CCR1: variants seen among roughly 807,000 people sequenced by gnomAD.
CCR1 encodes the protein C-C motif chemokine receptor 1.
In CCR1, 1 loss-of-function variant was observed where a neutral mutation model predicts 0.3. The ratio of observed to expected loss-of-function variants is 3.70; its 90% confidence interval spans 1.31 to 17.54. The LOEUF (loss-of-function observed/expected upper bound fraction) is 17.54, where lower values mean the gene tolerates loss of function less well. Among genes scored for constraint, CCR1 ranks in the 30% most tolerant of loss-of-function variants. CCR1 has a pLI of 0.11. For missense variants in CCR1, 349 were observed against 435.4 expected (o/e 0.80, Z 1.77); for synonymous variants, 207 against 182.5 (o/e 1.13, Z -1.08).
intron 1 of CCR1, among the ~76,000 whole-genome samples, chr3:46,205,863 A>C (rs1699643530): frequency 6.6e-6 from 1 of 152,132 alleles, no homozygotes; most frequent in African/African-American, 2.4e-5. Flanking sequence ...CCTTCACTGC[A>C]GGAGCCCTTC....
rs1430597048 is a variant in CCR1, at chr3:46,207,763, G to A, written c.-12+519C>T. On this transcript the variant is annotated intron_variant, in intron 1 of 1. Coordinates refer to ENST00000296140, the MANE Select transcript of CCR1 (RefSeq NM_001295.3). ...GGATTCGAGTGATTCTCCTGCCTCA[G>A]CCTCTTGAGTAGCTGGGACTACAGG... 2.6e-5 allele frequency among the ~76,000 whole-genome samples: 4 copies of A among 151,444 alleles called. No individual in the cohort carries two copies. In the East Asian group the frequency reaches 5.9e-4, roughly 22 times the overall value.
rs1699599597 is a variant in CCR1, at chr3:46,201,993, A to C, written c.*1253T>G. On this transcript the variant is annotated 3_prime_UTR_variant, in exon 2 of 2. Transcript: ENST00000296140. ...TTATTAGGAAAATTATTTTTAAAGAAATATACATCTGAGGGAAAAGAGAAC... is the reference window on the plus strand; with the variant it reads ...TTATTAGGAAAATTATTTTTAAAGACATATACATCTGAGGGAAAAGAGAAC... 2 of 152,206 alleles carry C rather than the reference A, an allele frequency of 1.3e-5. No individual in the cohort carries two copies. The highest frequency in any genetic ancestry group is 1.3e-4 in the Admixed American group (2 of 15,276). The allele number at this position is 152,206 out of a possible 1,614,324, so 9.4% of individuals were successfully genotyped here. A position where few individuals can be genotyped will look rare whatever the true frequency, so the allele number is the denominator to read the frequency against.
intron 1 of CCR1, among the ~76,000 whole-genome samples, chr3:46,207,959 A>G (rs1037527608): frequency 1.3e-5 from 2 of 152,162 alleles, no homozygotes; most frequent in African/African-American, 4.8e-5. Flanking sequence ...CTTATTGAAT[A>G]GGTTTCCACA....
In CCR1 at chr3:46,203,598, C is replaced by T. The variant is rs775254814; in HGVS notation, c.716G>A (p.Arg239His). Reference protein sequence around the residue: ...RPNEKKSKAVRLIFVIMIIFF... With the variant: ...RPNEKKSKAVHLIFVIMIIFF... ...GATGATCATGATGACAAAAATCAAACGGACAGCTTTGGATTTCTTCTCATT... is the reference window on the plus strand; with the variant it reads ...GATGATCATGATGACAAAAATCAAATGGACAGCTTTGGATTTCTTCTCATT... The change falls in exon 2 of 2, where the codon CGT becomes CAT. Residue 239 changes from arginine (R) to histidine (H), a missense_variant. Physicochemically the swap from Arg to His is conservative, Grantham distance 29 (BLOSUM62 0). Coordinates refer to ENST00000296140, the MANE Select transcript of CCR1 (RefSeq NM_001295.3). The surrounding 1 kb of genome is among the most constrained non-coding windows in gnomAD (Gnocchi z 4.5). 3.9e-5 allele frequency: 63 copies of T among 1,613,846 alleles called. No homozygotes were observed. The highest frequency in any genetic ancestry group is 4.7e-5 in the Non-Finnish European group (56 of 1,179,884).
rs1699625619 is a variant in CCR1, at chr3:46,204,154, G to T, written c.160C>A (p.Leu54Met). ...TATTGCACAAGGACCAGGACCACCA[G>T]GATGTTTCCAACCAGGCCAATGACA... ...VFVIGLVGNI[L>M]VVLVLVQYKR... Residue 54 changes from leucine to methionine, a missense_variant, in exon 2 of 2, where the codon CTG becomes ATG. Physicochemically the swap from Leu to Met is conservative, Grantham distance 15 (BLOSUM62 2). Transcript: ENST00000296140. The T allele has an allele frequency of 6.2e-7, 1 of 1,614,140 alleles. No homozygotes were observed. Among genetic ancestry groups the T allele is most frequent in the African/African-American group, 1.3e-5 (1 of 75,028 alleles).
At position 46,201,772 on chromosome 3, in the gene CCR1, C is replaced by T. The variant is rs1052408425; in HGVS notation, c.*1474G>A. 1 of 152,162 alleles carries T rather than the reference C, an allele frequency of 6.6e-6. No individual in the cohort carries two copies. Among genetic ancestry groups the T allele is most frequent in the Non-Finnish European group, 1.5e-5 (1 of 68,016 alleles). 9.4% of individuals were successfully genotyped at this position (152,162 alleles called of 1,614,324 possible). On this transcript the variant is annotated 3_prime_UTR_variant, in exon 2 of 2. Transcript: ENST00000296140. ...ACAACTTGCTGCTAATTAAAACCAA[C>T]AATAGAACAGTGAGTACAATTGAAG...
intron 1 of CCR1, among the ~76,000 whole-genome samples, chr3:46,205,939 A>G (rs1699644052): frequency 6.6e-6 from 1 of 152,100 alleles, no homozygotes; most frequent in Non-Finnish European, 1.5e-5. Context: ...GCTGGCTGGT[A>G]TACCCTGTCT....
At chr3:46,208,171 C>G (rs977844464) in intron 1 of CCR1, 111 bp downstream of exon 1, 3 of 152,230 alleles carry the variant, frequency 2.0e-5, no homozygotes, top group Non-Finnish European at 2.9e-5. Context: ...TTTGCCCAGC[C>G]TACTCAAAGA....
chr3:46,204,928 C>T (rs1468350200), intron 1 of CCR1, among the ~76,000 whole-genome samples: 1 of 152,192 alleles, frequency 6.6e-6, no homozygotes, highest in African/African-American at 2.4e-5. Context: ...CAGGAGGACT[C>T]TGAGAAGGAA....
In CCR1 at chr3:46,204,209, T is replaced by G; in HGVS notation, c.105A>C (p.Gln35His). 1.2e-6 allele frequency: 2 copies of G among 1,614,062 alleles called. No individual in the cohort carries two copies. The highest frequency in any genetic ancestry group is 1.7e-6 in the Non-Finnish European group (2 of 1,179,956). The change falls in exon 2 of 2, where the codon CAA becomes CAC. Residue 35 changes from glutamine (Q) to histidine (H), a missense_variant. By Grantham distance (24) the Gln-to-His change is conservative. Coordinates refer to ENST00000296140, the MANE Select transcript of CCR1 (RefSeq NM_001295.3). The part of the protein sequence containing the change: ...QKVNERAFGA[Q>H]LLPPLYSLVF... ...CCAAGGAGTACAGAGGGGGCAGCAG[T>G]TGGGCCCCAAAGGCCCTCTCGTTCA... is the stretch of plus-strand genomic sequence containing the variant.
chr3:46,206,303 G>A (rs769524599), intron 1 of CCR1, among the ~76,000 whole-genome samples: 13 of 152,112 alleles, frequency 8.5e-5, no homozygotes, highest in Non-Finnish European at 1.9e-4. Flanking sequence ...GAGAAGTGAG[G>A]AGCTTTAATT....
In CCR1 at chr3:46,203,881, G is replaced by C; in HGVS notation, c.433C>G (p.Arg145Gly). 1 of 1,614,196 alleles carries C rather than the reference G, an allele frequency of 6.2e-7. No homozygotes were observed. The highest frequency in any genetic ancestry group is 8.5e-7 in the Non-Finnish European group (1 of 1,180,032). ...IVHAVFALRA[R>G]TVTFGVITSI... ...GTGATGACACCAAAAGTGACGGTCC[G>C]TGCCCGCAAGGCAAACACGGCGTGG... is the stretch of plus-strand genomic sequence containing the variant. Residue 145 changes from arginine to glycine, a missense_variant, in exon 2 of 2, where the codon CGG (arginine) becomes GGG (glycine). By Grantham distance (125) the Arg-to-Gly change is moderately radical. Transcript: ENST00000296140. This position sits in a 1 kb window ranked among gnomAD's most constrained non-coding sequence, Gnocchi z 4.5.
At position 46,203,313 on chromosome 3, in the gene CCR1, T is replaced by C; in HGVS notation, c.1001A>G (p.Asp334Gly). 6.2e-7 allele frequency: 1 copy of C among 1,614,114 alleles called. No individual in the cohort carries two copies. Among genetic ancestry groups the C allele is most frequent in the Non-Finnish European group, 8.5e-7 (1 of 1,180,006 alleles). ...TGTGGAGCTGACCCTCTCCAGCCTG[T>C]CCACGGAGAGGAAGGGGAGCCATTT... ...LVKWLPFLSV[D>G]RLERVSSTSP... Residue 334 changes from aspartate to glycine, a missense_variant, in exon 2 of 2, where the codon GAC (aspartate) becomes GGC (glycine). By Grantham distance (94) the Asp-to-Gly change is moderately conservative. Coordinates refer to ENST00000296140, the MANE Select transcript of CCR1 (RefSeq NM_001295.3). This position sits in a 1 kb window ranked among gnomAD's most constrained non-coding sequence, Gnocchi z 4.5.
At chr3:46,205,088 G>A (rs1310971562) in intron 1 of CCR1, among the ~76,000 whole-genome samples, 10 of 152,178 alleles carry the variant, frequency 6.6e-5, no homozygotes, top group African/African-American at 1.2e-4. Context: ...GGATGCTACC[G>A]TCATTTGGTA....
At chr3:46,206,790 T>C (rs553895394) in intron 1 of CCR1, among the ~76,000 whole-genome samples, 2 of 152,254 alleles carry the variant, frequency 1.3e-5, no homozygotes, top group African/African-American at 4.8e-5. Flanking sequence ...AAGGACCATG[T>C]TGTCATCTAA....
intron 1 of CCR1, among the ~76,000 whole-genome samples, chr3:46,207,462 C>G (rs1699657039): frequency 6.6e-6 from 1 of 152,092 alleles, no homozygotes; most frequent in Admixed American, 6.5e-5. Context: ...TGAGTGAAAG[C>G]CTACCTCTTC....
At chr3:46,205,917 A>T (rs1285986713) in intron 1 of CCR1, among the ~76,000 whole-genome samples, 4 of 152,156 alleles carry the variant, frequency 2.6e-5, no homozygotes, top group African/African-American at 9.7e-5. Flanking sequence ...ACCAATGTCC[A>T]GGATGTCCCT....
Position 46,203,207 on chromosome 3 carries a change from C to T in CCR1, c.*39G>A. ...TGCTGGCTCAGTGTGCCTGGCAGGTCACGCCTGCTTATTTTGGGTTGGCCT... is the reference window on the plus strand; with the variant it reads ...TGCTGGCTCAGTGTGCCTGGCAGGTTACGCCTGCTTATTTTGGGTTGGCCT... On this transcript the variant is annotated 3_prime_UTR_variant, in exon 2 of 2. Coordinates refer to ENST00000296140, the MANE Select transcript of CCR1 (RefSeq NM_001295.3). This position sits in a 1 kb window ranked among gnomAD's most constrained non-coding sequence, Gnocchi z 4.5. 1 of 1,488,798 alleles carries T rather than the reference C, an allele frequency of 6.7e-7. No individual in the cohort carries two copies. The highest frequency in any genetic ancestry group is 9.3e-7 in the Non-Finnish European group (1 of 1,080,626). The allele number at this position is 1,488,798 out of a possible 1,614,324, so 92.2% of individuals were successfully genotyped here. A position where few individuals can be genotyped will look rare whatever the true frequency, so the allele number is the denominator to read the frequency against.
chr3:46,202,554 T>C lies in CCR1; in HGVS notation c.*692A>G, dbSNP rs1699605944. 1 of 152,184 alleles carries C rather than the reference T, an allele frequency of 6.6e-6. No homozygotes were observed. The highest frequency in any genetic ancestry group is 2.4e-5 in the African/African-American group (1 of 41,430). The allele number at this position is 152,184 out of a possible 1,614,324, so 9.4% of individuals were successfully genotyped here. A position where few individuals can be genotyped will look rare whatever the true frequency, so the allele number is the denominator to read the frequency against. ...TGATTTTAGTGGATATAAAAATTCT[T>C]CCTAAGGGCTTTCTTAGTTCCACTG... On this transcript the variant is annotated 3_prime_UTR_variant, in exon 2 of 2. Coordinates refer to ENST00000296140, the MANE Select transcript of CCR1 (RefSeq NM_001295.3).
Sources: gnomAD v4.1 joint callset for allele counts (sites outside exome capture counted in the v4.1 genomes callset) on GRCh38, gnomAD v4.1.1 for gene constraint, Gnocchi (gnomAD v3.1) non-coding constraint, MANE v1.5 for transcripts, NCBI Gene and HGNC (gene_info 2026-07-23, HGNC 2026-07-21) for gene names.